Variants in ITGA1 observed in about 807,000 individuals in gnomAD.
The protein encoded by ITGA1 is integrin alpha-1.
In ITGA1, 85 loss-of-function variants were observed where a neutral mutation model predicts 145.9. The observed-to-expected ratio is 0.58, with a 90% confidence interval of 0.49 to 0.70. ITGA1 has a LOEUF of 0.70. Among genes scored for constraint, ITGA1 ranks in the 30% least tolerant of loss-of-function variants. ITGA1 has a pLI of 0.00. For synonymous variants in ITGA1, 520 were observed against 495.3 expected, an observed-to-expected ratio of 1.05 and a Z score of -0.66; for missense variants, 1,351 against 1,418.7, an observed-to-expected ratio of 0.95 and a Z score of 0.77.
chr5:52,953,423 G>T lies in ITGA1; in HGVS notation c.*972G>T, dbSNP rs1579739912. On this transcript the variant is annotated 3_prime_UTR_variant, in exon 29 of 29. Transcript: ENST00000282588. The stretch of plus-strand genomic sequence containing the variant: ...AGTTGTCTCAACTCCTTGGTACAGG[G>T]TTCATTCAAACCCCCAAGCTGTGAG... 1.3e-5 allele frequency: 2 copies of T among 152,108 alleles called. No homozygotes were observed. Among genetic ancestry groups the T allele is most frequent in the African/African-American group, 4.8e-5 (2 of 41,402 alleles). 9.4% of individuals were successfully genotyped at this position (152,108 alleles called of 1,614,324 possible). A position where few individuals can be genotyped will look rare whatever the true frequency, so the allele number is the denominator to read the frequency against.
intron 1 of ITGA1, among the ~76,000 whole-genome samples, chr5:52,845,097 A>C (rs1366526240): frequency 1.3e-5 from 2 of 152,124 alleles, no homozygotes; most frequent in Non-Finnish European, 2.9e-5. Context: ...TACAGCACAC[A>C]CCCCCAGACA....
At chr5:52,796,471 AG>A (rs2111651672) in intron 1 of ITGA1, among the ~76,000 whole-genome samples, 1 of 152,160 alleles carries the variant, frequency 6.6e-6, no homozygotes, top group African/African-American at 2.4e-5. Flanking sequence ...TAGTATTTAA[AG>A]CAAAAGAGCT....
chr5:52,904,479 T>A (rs1169571001), intron 11 of ITGA1: 1 of 151,960 alleles, frequency 6.6e-6, no homozygotes, highest in Admixed American at 6.6e-5. Flanking sequence ...CCAGGAATAA[T>A]TTCAATATAA....
intron 26 of ITGA1, among the ~76,000 whole-genome samples, chr5:52,944,515 C>T (rs1216831782): frequency 6.6e-6 from 1 of 152,150 alleles, no homozygotes; most frequent in Non-Finnish European, 1.5e-5. Context: ...AATTTGGGAT[C>T]TCTTAGTGGG....
chr5:52,918,997 T>G (rs1035759968), intron 16 of ITGA1, 99 bp downstream of exon 16: 8 of 1,026,448 alleles, frequency 7.8e-6, no homozygotes, highest in Non-Finnish European at 1.1e-5. Context: ...CCCCACATGG[T>G]GAGCTGCACG....
chr5:52,924,665 C>T (rs922525219), intron 18 of ITGA1, among the ~76,000 whole-genome samples: 2 of 152,078 alleles, frequency 1.3e-5, no homozygotes, highest in African/African-American at 4.8e-5. Context: ...GATGTGGGAG[C>T]CCCGTGGGAA....
Position 52,892,686 on chromosome 5 carries a change from G to C in ITGA1, c.925-989G>C, listed in dbSNP as rs74358124. 4.8e-3 allele frequency among the ~76,000 whole-genome samples: 738 copies of C among 152,250 alleles called. 3 individuals are homozygous for C. The highest frequency in any genetic ancestry group is 0.01 in the Middle Eastern group (3 of 294). On this transcript the variant is annotated intron_variant, in intron 8 of 28. Transcript: ENST00000282588. ...AAGGACCCAACTACTGCTACATGCA[G>C]CAACACGGATGACTCTGAAAAGCAT... is the stretch of plus-strand genomic sequence containing the variant.
At chr5:52,864,060 A>G (rs1389114003) in intron 3 of ITGA1, 3 of 152,194 alleles carry the variant, frequency 2.0e-5, no homozygotes, top group Admixed American at 1.3e-4. Flanking sequence ...CCTCTTTCTA[A>G]TATTCCACTC....
intron 23 of ITGA1, among the ~76,000 whole-genome samples, chr5:52,937,173 C>T (rs894657249): frequency 1.3e-5 from 2 of 151,996 alleles, no homozygotes; most frequent in Non-Finnish European, 2.9e-5. Flanking sequence ...GATGGAGGAA[C>T]AATATGATTA....
At chr5:52,819,423 C>G (rs1200412101) in intron 1 of ITGA1, among the ~76,000 whole-genome samples, 1 of 152,024 alleles carries the variant, frequency 6.6e-6, no homozygotes, top group Non-Finnish European at 1.5e-5. Context: ...TTTCATGTGT[C>G]TTTTGGCTGC....
Position 52,945,006 on chromosome 5 carries a change from G to C in ITGA1, c.3349G>C (p.Val1117Leu), listed in dbSNP as rs1418214098. Residue 1117 changes from valine (V) to leucine (L), a missense_variant, in exon 27 of 29, where the codon GTT becomes CTT. By Grantham distance (32) the Val-to-Leu change is conservative (BLOSUM62 1). Coordinates refer to ENST00000282588, the MANE Select transcript of ITGA1 (RefSeq NM_181501.2). ...ACTTCGGAGTGAAAATGCATCTCTG[G>C]TTTTAAGTAGCAGCAATCAAAAAAG... Reference protein sequence around the residue: ...GELRSENASLVLSSSNQKREL... With the variant: ...GELRSENASLLLSSSNQKREL... The C allele has an allele frequency of 1.2e-6, 2 of 1,613,036 alleles. No homozygotes were observed. Among genetic ancestry groups the C allele is most frequent in the African/African-American group, 1.3e-5 (1 of 74,858 alleles).
At chr5:52,910,878 T>TGGTATGTATACTATATATAGTATAAAC (rs1561245672) in intron 14 of ITGA1, among the ~76,000 whole-genome samples, 9 of 140,562 alleles carry the variant, frequency 6.4e-5, no homozygotes, top group African/African-American at 1.8e-4. Flanking sequence ...ATAGTATATA[T>TGGTATGTATACTATATATAGTATAAAC]GGTATGTATA....
At chr5:52,862,830 C>A (rs1210768689) in intron 3 of ITGA1, among the ~76,000 whole-genome samples, 1 of 152,142 alleles carries the variant, frequency 6.6e-6, no homozygotes. Flanking sequence ...TATAGCCCCA[C>A]AAGTTTATTT....
At chr5:52,912,808 A>G (rs1445303524) in intron 14 of ITGA1, among the ~76,000 whole-genome samples, 3 of 149,962 alleles carry the variant, frequency 2.0e-5, no homozygotes, top group East Asian at 2.0e-4. Context: ...CTGCAGTGGC[A>G]CGATCTCAGC....
At position 52,799,084 on chromosome 5, in the gene ITGA1, C is replaced by T. The variant is rs75342537; in HGVS notation, c.61+10670C>T. Among the ~76,000 whole-genome samples the T allele has an allele frequency of 1.6e-3, 236 of 152,216 alleles. 2 individuals are homozygous for T. The highest frequency in any genetic ancestry group is 5.4e-3 in the African/African-American group (226 of 41,524). On this transcript the variant is annotated intron_variant, in intron 1 of 28. Transcript: ENST00000282588. ...GGCTGGTTAGTTCCCCTTTCCAATC[C>T]ACACAGAGAAAGACAGAAAAGACAG...
In ITGA1 at chr5:52,905,916, T is replaced by G. The variant is rs1229408759; in HGVS notation, c.1455+8T>G. ...ACGCTCAGTGGAGAACAGGTAAACT[T>G]GAAAAATATTCTTTTATTTAAATTA... On this transcript the variant is annotated splice_region_variant and intron_variant, in intron 12 of 28. Coordinates refer to ENST00000282588, the MANE Select transcript of ITGA1 (RefSeq NM_181501.2). 6.2e-7 allele frequency: 1 copy of G among 1,605,690 alleles called. No homozygotes were observed. Among genetic ancestry groups the G allele is most frequent in the Non-Finnish European group, 8.5e-7 (1 of 1,174,874 alleles).
chr5:52,801,994 G>A lies in ITGA1; in HGVS notation c.61+13580G>A, dbSNP rs9291993. On this transcript the variant is annotated intron_variant, in intron 1 of 28. Transcript: ENST00000282588. ...GGCTACACTAGATATTTTGTGATTGGCAAGACATGTATTTAAACAATAAAC... is the reference window on the plus strand; with the variant it reads ...GGCTACACTAGATATTTTGTGATTGACAAGACATGTATTTAAACAATAAAC... The A allele has an allele frequency of 3.4e-3, 1,926 of 569,406 alleles. 25 individuals are homozygous for A. Among genetic ancestry groups the A allele is most frequent in the African/African-American group, 0.031 (1,656 of 53,398 alleles). 35.3% of individuals were successfully genotyped at this position (569,406 alleles called of 1,614,324 possible).
chr5:52,879,561 C>A (rs1385813325), intron 6 of ITGA1, among the ~76,000 whole-genome samples: 1 of 152,026 alleles, frequency 6.6e-6, no homozygotes, highest in African/African-American at 2.4e-5. Flanking sequence ...ACTTTAGGGT[C>A]ATTGAAGAAA....
Position 52,932,151 on chromosome 5 carries a change from C to T in ITGA1, c.2861+15C>T, listed in dbSNP as rs1291529601. 1 of 1,476,182 alleles carries T rather than the reference C, an allele frequency of 6.8e-7. No individual in the cohort carries two copies. Among genetic ancestry groups the T allele is most frequent in the Non-Finnish European group, 9.5e-7 (1 of 1,056,366 alleles). The allele number at this position is 1,476,182 out of a possible 1,614,324, so 91.4% of individuals were successfully genotyped here. On this transcript the variant is annotated intron_variant, in intron 22 of 28. Transcript: ENST00000282588. ...CAGTTTTACAGGTAGGAGAAAACTA[C>T]ATTTTTATGTGGATGCCTTTCTATT...
Sources: gnomAD v4.1 joint callset for allele counts (sites outside exome capture counted in the v4.1 genomes callset) on GRCh38, gnomAD v4.1.1 for gene constraint, MANE v1.5 for transcripts, NCBI Gene and HGNC (gene_info 2026-07-23, HGNC 2026-07-21) for gene names.